CNTN4: variants seen among roughly 807,000 people sequenced by gnomAD.
CNTN4 encodes contactin 4.
CNTN4 carries 77 observed loss-of-function variants against 122.5 expected under a neutral mutation model. The ratio of observed to expected loss-of-function variants is 0.63; its 90% confidence interval spans 0.52 to 0.76. The LOEUF is 0.76. Ranked by LOEUF, CNTN4 falls within the 30% of genes least tolerant of loss-of-function variation. The pLI, the probability that CNTN4 is intolerant of heterozygous loss-of-function variation, is 0.00. For synonymous variants in CNTN4, 512 were observed against 447.0 expected, an observed-to-expected ratio of 1.15 and a Z score of -1.83; for missense variants, 1,256 against 1,259.1, an observed-to-expected ratio of 1.00 and a Z score of 0.04.
Position 3,006,260 on chromosome 3 carries a change from G to T in CNTN4, c.1486+17788G>T, listed in dbSNP as rs930033332. ...ATTTGAACTTCATGTCACCCTCATG[G>T]GAACATAAACTTCACGATCAGAACA... is the stretch of plus-strand genomic sequence containing the variant. On this transcript the variant is annotated intron_variant, in intron 14 of 24. Transcript: ENST00000418658. Among the ~76,000 whole-genome samples, 7 of 152,070 alleles carry T rather than the reference G, an allele frequency of 4.6e-5. 1 individual carries two copies. Among genetic ancestry groups the T allele is most frequent in the African/African-American group, 1.2e-4 (5 of 41,370 alleles).
intron 2 of CNTN4, among the ~76,000 whole-genome samples, chr3:2,118,641 G>A (rs577356671): frequency 7.9e-5 from 12 of 152,122 alleles, no homozygotes; most frequent in Middle Eastern, 3.4e-3. Flanking sequence ...TTTTCCTACC[G>A]ATAGGCTTCC....
chr3:2,620,193 G>T (rs920935079), intron 4 of CNTN4, among the ~76,000 whole-genome samples: 1 of 152,154 alleles, frequency 6.6e-6, no homozygotes, highest in African/African-American at 2.4e-5. Flanking sequence ...GCAGAAAGTG[G>T]TTTTGAATTT....
intron 2 of CNTN4, among the ~76,000 whole-genome samples, chr3:2,221,421 A>G (rs909405455): frequency 1.3e-5 from 2 of 151,998 alleles, no homozygotes; most frequent in Non-Finnish European, 2.9e-5. Flanking sequence ...ATTACAAATC[A>G]TCTAAATATA....
chr3:3,050,249 A>C (rs532753914), intron 23 of CNTN4, among the ~76,000 whole-genome samples: 5 of 152,240 alleles, frequency 3.3e-5, no homozygotes, highest in African/African-American at 1.2e-4. Flanking sequence ...ACAAATTTTT[A>C]ATGTCTAATT....
At chr3:3,029,509 A>T (rs1698994533) in intron 15 of CNTN4, among the ~76,000 whole-genome samples, 1 of 152,224 alleles carries the variant, frequency 6.6e-6, no homozygotes, top group African/African-American at 2.4e-5. Context: ...ATGCTTTGGC[A>T]TCTCTTCTAA....
At chr3:2,730,236 T>C (rs976913940) in intron 4 of CNTN4, among the ~76,000 whole-genome samples, 29 of 152,328 alleles carry the variant, frequency 1.9e-4, no homozygotes, top group African/African-American at 6.0e-4. Flanking sequence ...ATATACCTTA[T>C]ACCTATAGCC....
At chr3:2,387,528 A>C (rs1445241396) in intron 3 of CNTN4, among the ~76,000 whole-genome samples, 2 of 152,252 alleles carry the variant, frequency 1.3e-5, no homozygotes, top group East Asian at 1.9e-4. Flanking sequence ...TTATTGTTTA[A>C]GAAATTTGTT....
Position 2,745,547 on chromosome 3 carries a change from G to T in CNTN4, c.208G>T (p.Asp70Tyr), listed in dbSNP as rs773684884. The T allele has an allele frequency of 2.5e-6, 4 of 1,614,058 alleles. No individual in the cohort carries two copies. The highest frequency in any genetic ancestry group is 3.4e-6 in the Non-Finnish European group (4 of 1,179,938). The part of the protein sequence containing the change: ...IRWKLNGTDV[D>Y]TGMDFRYSVV... ...GTGGAAGTTAAATGGAACAGATGTT[G>T]ACACTGGTATGGATTTCCGCTACAG... The change falls in exon 6 of 25, where the codon GAC becomes TAC. Residue 70 changes from aspartate (D) to tyrosine (Y), a missense_variant. Physicochemically the swap from Asp to Tyr is radical, Grantham distance 160. Transcript: ENST00000418658.
intron 2 of CNTN4, among the ~76,000 whole-genome samples, chr3:2,217,742 A>G (rs2038906914): frequency 6.6e-6 from 1 of 152,208 alleles, no homozygotes; most frequent in Admixed American, 6.5e-5. Flanking sequence ...TGTTCATTTT[A>G]GAAAATTTGG....
chr3:2,202,431 A>G (rs778959070), intron 2 of CNTN4, among the ~76,000 whole-genome samples: 28 of 152,152 alleles, frequency 1.8e-4, no homozygotes, highest in Non-Finnish European at 3.7e-4. Context: ...TTTACCTTGA[A>G]TTTCAGCTTA....
intron 5 of CNTN4, among the ~76,000 whole-genome samples, chr3:2,740,478 G>A (rs17019605): frequency 0.019 from 2,961 of 152,226 alleles, 112 homozygotes; most frequent in African/African-American, 0.067. Context: ...CACGGGAATG[G>A]AAAAGCCAAA....
chr3:2,521,352 C>CCA (rs2077212367), intron 3 of CNTN4, among the ~76,000 whole-genome samples: 1 of 32,640 alleles, frequency 3.1e-5, no homozygotes, highest in Non-Finnish European at 5.7e-5. Context: ...ATCCCCCCCA[C>CCA]CCCCCGCAAT....
At chr3:2,224,467 A>C (rs2039188408) in intron 2 of CNTN4, among the ~76,000 whole-genome samples, 1 of 152,314 alleles carries the variant, frequency 6.6e-6, no homozygotes, top group South Asian at 2.1e-4. Flanking sequence ...GGAAGCTTGC[A>C]CATGAGTTCC....
At chr3:2,365,598 G>A (rs777723084) in intron 3 of CNTN4, among the ~76,000 whole-genome samples, 13 of 152,174 alleles carry the variant, frequency 8.5e-5, no homozygotes, top group Non-Finnish European at 1.6e-4. Context: ...TCTATCTTAC[G>A]TTCTGCTGGT....
chr3:2,248,035 A>G (rs934921585), intron 2 of CNTN4, among the ~76,000 whole-genome samples: 11 of 151,822 alleles, frequency 7.2e-5, no homozygotes, highest in Non-Finnish European at 1.6e-4. Context: ...GACATGTGAT[A>G]TATGTATTTG....
chr3:2,888,024 C>A (rs1020802724), intron 10 of CNTN4, among the ~76,000 whole-genome samples: 2 of 152,146 alleles, frequency 1.3e-5, no homozygotes, highest in African/African-American at 4.8e-5. Flanking sequence ...AAACAAACAA[C>A]AATGCATATT....
chr3:2,558,625 A>T (rs559013026), intron 3 of CNTN4, among the ~76,000 whole-genome samples: 2 of 152,168 alleles, frequency 1.3e-5, no homozygotes, highest in Admixed American at 6.5e-5. Context: ...TATGGAGTCT[A>T]CTGAGTTTTC....
chr3:2,185,744 G>A (rs1193246740), intron 2 of CNTN4, among the ~76,000 whole-genome samples: 1 of 152,028 alleles, frequency 6.6e-6, no homozygotes, highest in African/African-American at 2.4e-5. Flanking sequence ...GTATTTCTTG[G>A]TTATTACAGC....
intron 2 of CNTN4, among the ~76,000 whole-genome samples, chr3:2,161,430 C>T (rs1022286513): frequency 1.3e-5 from 2 of 151,892 alleles, no homozygotes; most frequent in Non-Finnish European, 2.9e-5. Context: ...GTCGGGGTGG[C>T]TTGTAATAGA....
Sources: allele counts gnomAD v4.1 joint callset (sites outside exome capture counted in the v4.1 genomes callset), GRCh38; gene constraint gnomAD v4.1.1; transcripts MANE v1.5; gene names NCBI Gene and HGNC (gene_info 2026-07-23, HGNC 2026-07-21).